Variants in ZNF385D observed in about 807,000 individuals in gnomAD.
ZNF385D encodes zinc finger protein 385D, also known as zinc finger protein 659.
In ZNF385D, 15 loss-of-function variants were observed where a neutral mutation model predicts 35.8. The ratio of observed to expected loss-of-function variants is 0.42; its 90% CI spans 0.28 to 0.64. ZNF385D has a LOEUF of 0.64. ZNF385D is among the 30% of genes least tolerant of loss of function. The pLI is 0.23. For missense variants in ZNF385D, 474 were observed against 494.6 expected, an observed-to-expected ratio of 0.96 and a Z score of 0.39; for synonymous variants, 212 against 186.8, an observed-to-expected ratio of 1.13 and a Z score of -1.10.
At chr3:21,758,430 G>C (rs2070444791) in intron 3 of ZNF385D, among the ~76,000 whole-genome samples, 1 of 152,144 alleles carries the variant, frequency 6.6e-6, no homozygotes, top group Non-Finnish European at 1.5e-5. Context: ...CATGTATTTA[G>C]GCTAAAGAGA....
At chr3:21,791,513 T>C (rs2071925594) in intron 3 of ZNF385D, among the ~76,000 whole-genome samples, 1 of 152,220 alleles carries the variant, frequency 6.6e-6, no homozygotes, top group Non-Finnish European at 1.5e-5. Context: ...GAAATCTGGC[T>C]CCTTCAATTT....
At chr3:21,708,169 A>T (rs978492333) in intron 1 of ZNF385D, among the ~76,000 whole-genome samples, 3 of 152,228 alleles carry the variant, frequency 2.0e-5, no homozygotes, top group African/African-American at 7.2e-5. Context: ...GTTGGTGCTT[A>T]TAAGGAAAAA....
chr3:21,574,079 A>C (rs969926285), intron 2 of ZNF385D, among the ~76,000 whole-genome samples: 2 of 144,582 alleles, frequency 1.4e-5, no homozygotes, highest in African/African-American at 2.6e-5. Context: ...AAAAAAAGGA[A>C]GGGAGGAAGT....
chr3:21,745,098 A>G (rs2069703844), intron 1 of ZNF385D, among the ~76,000 whole-genome samples: 1 of 152,110 alleles, frequency 6.6e-6, no homozygotes, highest in African/African-American at 2.4e-5. Flanking sequence ...TATCCATTAA[A>G]AACTCTCAGC....
chr3:22,109,831 G>A (rs1702416826), intron 3 of ZNF385D, among the ~76,000 whole-genome samples: 1 of 152,164 alleles, frequency 6.6e-6, no homozygotes, highest in Non-Finnish European at 1.5e-5. Flanking sequence ...TGCCATCAGA[G>A]TGAACAGGCA....
chr3:22,258,466 C>T (rs769605225), intron 2 of ZNF385D, among the ~76,000 whole-genome samples: 9 of 151,658 alleles, frequency 5.9e-5, no homozygotes, highest in Non-Finnish European at 8.8e-5. Flanking sequence ...TGTATAATAT[C>T]ATGAAAATTG....
chr3:21,622,077 T>C (rs1302491380), intron 2 of ZNF385D, among the ~76,000 whole-genome samples: 2 of 152,124 alleles, frequency 1.3e-5, no homozygotes. Flanking sequence ...CAATTTCTTT[T>C]ACAGGAGGGA....
intron 3 of ZNF385D, among the ~76,000 whole-genome samples, chr3:21,907,929 C>G (rs1699761783): frequency 6.6e-6 from 1 of 151,876 alleles, no homozygotes; most frequent in African/African-American, 2.4e-5. Flanking sequence ...CCCAGAAAGA[C>G]CTTTTATCAT....
intron 2 of ZNF385D, among the ~76,000 whole-genome samples, chr3:22,359,714 G>A (rs532959455): frequency 6.6e-6 from 1 of 151,980 alleles, no homozygotes; most frequent in African/African-American, 2.4e-5. Flanking sequence ...GATGAATTCA[G>A]TTTGAGATAA....
chr3:21,470,413 A>G (rs1703810158), intron 4 of ZNF385D, among the ~76,000 whole-genome samples: 1 of 152,178 alleles, frequency 6.6e-6, no homozygotes, highest in Admixed American at 6.6e-5. Context: ...CCAGATTTCT[A>G]TAAAACTGTC....
chr3:21,436,262 C>T (rs1484711476), intron 5 of ZNF385D, among the ~76,000 whole-genome samples: 5 of 152,038 alleles, frequency 3.3e-5, no homozygotes, highest in Non-Finnish European at 7.4e-5. Context: ...TTTATCCCGG[C>T]TTGTCAGTAT....
At chr3:22,190,874 C>T (rs61536503) in intron 2 of ZNF385D, among the ~76,000 whole-genome samples, 2 of 151,840 alleles carry the variant, frequency 1.3e-5, no homozygotes, top group African/African-American at 2.4e-5. Flanking sequence ...ACATGACCTA[C>T]CACTTTACAG....
At chr3:21,482,545 C>T (rs537792207) in intron 4 of ZNF385D, among the ~76,000 whole-genome samples, 1 of 152,146 alleles carries the variant, frequency 6.6e-6, no homozygotes, top group Non-Finnish European at 1.5e-5. Flanking sequence ...AACACAAACC[C>T]AAGAAACCTG....
At chr3:21,860,873 G>A (rs1049787665) in intron 3 of ZNF385D, among the ~76,000 whole-genome samples, 1 of 152,014 alleles carries the variant, frequency 6.6e-6, no homozygotes, top group Non-Finnish European at 1.5e-5. Context: ...AAATGAAAAG[G>A]GGCAGACTGT....
At chr3:21,754,552 C>T (rs1185231240), upstream of ZNF385D, among the ~76,000 whole-genome samples, 1 of 152,090 alleles carries the variant, frequency 6.6e-6, no homozygotes, top group African/African-American at 2.4e-5. Context: ...TAGCTGCCTG[C>T]CTTGACTCCT....
intron 2 of ZNF385D, among the ~76,000 whole-genome samples, chr3:22,370,583 G>A (rs186419944): frequency 2.0e-5 from 3 of 152,248 alleles, no homozygotes; most frequent in East Asian, 3.9e-4. Context: ...GAGGTTTATT[G>A]CTCTCATTTT....
rs138547258 is a variant in ZNF385D at position 21,870,817 on chromosome 3, CTCTT to C, written c.326-205793_326-205790del. 8.7e-3 allele frequency among the ~76,000 whole-genome samples: 1,328 copies of C among 152,134 alleles called. 17 individuals carry two copies. The highest frequency in any genetic ancestry group is 0.03 in the African/African-American group (1,256 of 41,500). On this transcript the variant is annotated intron_variant, in intron 3 of 5. Transcript: ENST00000494108. ...CTGCTCTGAGTGATTCTGATGTCTGCTCTTTCTTTTGCAATTTTTACATTCAGAA... is the reference window on the plus strand; with the variant it reads ...CTGCTCTGAGTGATTCTGATGTCTGCTCTTTTGCAATTTTTACATTCAGAA...
intron 3 of ZNF385D, among the ~76,000 whole-genome samples, chr3:22,040,560 AATG>A (rs1398462665): frequency 2.6e-5 from 4 of 152,204 alleles, no homozygotes; most frequent in African/African-American, 7.2e-5. Context: ...AAAAAGAAAT[AATG>A]ATAATCACAC....
intron 3 of ZNF385D, among the ~76,000 whole-genome samples, chr3:22,141,431 T>A (rs533868079): frequency 6.6e-6 from 1 of 152,224 alleles, no homozygotes; most frequent in African/African-American, 2.4e-5. Context: ...TACACTGTTA[T>A]AAATCTTGAT....
Sources: gnomAD v4.1 joint callset for allele counts (sites outside exome capture counted in the v4.1 genomes callset) on GRCh38, gnomAD v4.1.1 for gene constraint, MANE v1.5 for transcripts, NCBI Gene and HGNC (gene_info 2026-07-23, HGNC 2026-07-21) for gene names.